Variants in DLG1 observed in about 807,000 individuals in gnomAD.
DLG1 encodes disks large homolog 1.
Under a neutral mutation model 123.4 loss-of-function variants are expected in DLG1, and 42 were observed. That is an observed-to-expected ratio of 0.34 (90% CI 0.27 to 0.44). The LOEUF is 0.44. Ranked by LOEUF, DLG1 falls within the 20% of genes least tolerant of loss-of-function variation. DLG1 has a pLI of 1.00. For missense variants in DLG1, 942 were observed against 1,082.6 expected, an observed-to-expected ratio of 0.87 and a Z score of 1.82; for synonymous variants, 317 against 356.2, an observed-to-expected ratio of 0.89 and a Z score of 1.24.
At chr3:197,230,778 A>G (rs1354135981) in intron 4 of DLG1, among the ~76,000 whole-genome samples, 2 of 152,230 alleles carry the variant, frequency 1.3e-5, no homozygotes, top group African/African-American at 4.8e-5. Context: ...CAGAGGACTT[A>G]GGTAAGATCA....
intron 4 of DLG1, among the ~76,000 whole-genome samples, chr3:197,258,827 T>C (rs1438229583): frequency 1.3e-5 from 2 of 152,222 alleles, no homozygotes; most frequent in African/African-American, 4.8e-5. Flanking sequence ...GAACAAATTA[T>C]TTTAATTTAG....
chr3:197,174,020 T>C (rs1805703541), intron 5 of DLG1, among the ~76,000 whole-genome samples: 1 of 152,076 alleles, frequency 6.6e-6, no homozygotes, highest in Non-Finnish European at 1.5e-5. Flanking sequence ...GAGGTGGAAA[T>C]TGCAGTGGGC....
At chr3:197,152,325 C>T (rs1794276516) in intron 5 of DLG1, among the ~76,000 whole-genome samples, 1 of 151,890 alleles carries the variant, frequency 6.6e-6, no homozygotes, top group African/African-American at 2.4e-5. Flanking sequence ...GAAATAATTT[C>T]ACGTAGACTC....
At chr3:197,078,033 C>G (rs1246088067) in intron 17 of DLG1, among the ~76,000 whole-genome samples, 1 of 151,470 alleles carries the variant, frequency 6.6e-6, no homozygotes, top group Non-Finnish European at 1.5e-5. Flanking sequence ...GTGAAGCAGC[C>G]AGGTGTGGTG....
At chr3:197,046,435 A>C (rs746671422) in intron 24 of DLG1, among the ~76,000 whole-genome samples, 2 of 152,236 alleles carry the variant, frequency 1.3e-5, no homozygotes, top group Non-Finnish European at 2.9e-5. Context: ...TAACGGCACA[A>C]GTAGACTTTG....
At chr3:197,194,745 T>TA (rs1323364986) in intron 4 of DLG1, among the ~76,000 whole-genome samples, 156 bp from the exon 5 acceptor site, 1 of 152,152 alleles carries the variant, frequency 6.6e-6, no homozygotes, top group East Asian at 1.9e-4. Flanking sequence ...GATTTTACTT[T>TA]AAAAATAATG....
rs534845379 is a variant in DLG1 at position 197,104,041 on chromosome 3, C to T, written c.1546+862G>A. Among the ~76,000 whole-genome samples, 4 of 152,230 alleles carry T rather than the reference C, an allele frequency of 2.6e-5. No homozygotes were observed. The South Asian group carries it at 8.3e-4, about 32-fold the overall frequency. On this transcript the variant is annotated intron_variant, in intron 14 of 24. Transcript: ENST00000667157. ...CAGGAACTTAGTAAAGTCACATCCA[C>T]CATACTTCACCATCTAGACACACAG...
intron 1 of DLG1, chr3:197,298,057 A>AC (rs1178156756): frequency 2.5e-6 from 1 of 407,840 alleles, no homozygotes; most frequent in African/African-American, 2.3e-5. Flanking sequence ...CGCACGCCCC[A>AC]CCCCCGGAAC....
intron 8 of DLG1, 39 bp from the exon 9 acceptor site, chr3:197,138,430 A>G (rs115934144): frequency 0.049 from 53,441 of 1,084,966 alleles, 1,514 homozygotes; most frequent in South Asian, 0.064. Flanking sequence ...AAAATTAAAT[A>G]TAATTTAAAT....
intron 18 of DLG1, among the ~76,000 whole-genome samples, chr3:197,072,840 G>A (rs1169107000): frequency 6.6e-6 from 1 of 152,102 alleles, no homozygotes; most frequent in African/African-American, 2.4e-5. Flanking sequence ...TGGATTACAG[G>A]TGTGCACCAC....
intron 13 of DLG1, among the ~76,000 whole-genome samples, chr3:197,114,905 G>C (rs990247681): frequency 2.0e-5 from 3 of 149,272 alleles, no homozygotes; most frequent in African/African-American, 7.4e-5. Context: ...GCATGAACCC[G>C]GGAGGCGGAG....
chr3:197,124,358 T>C (rs1420916261), intron 11 of DLG1, among the ~76,000 whole-genome samples: 2 of 152,062 alleles, frequency 1.3e-5, no homozygotes, highest in Non-Finnish European at 2.9e-5. Context: ...CACTGCAAAC[T>C]CCGCCTCCTG....
intron 5 of DLG1, among the ~76,000 whole-genome samples, chr3:197,158,502 C>T (rs1422176237): frequency 6.7e-6 from 1 of 150,160 alleles, no homozygotes. Flanking sequence ...GGCGTGGTGG[C>T]ACATGCCTGT....
At chr3:197,076,751 T>A in intron 17 of DLG1, 66 bp from the exon 18 acceptor site, 3 of 1,246,754 alleles carry the variant, frequency 2.4e-6, no homozygotes, top group Middle Eastern at 1.9e-4. Context: ...AGGCCCAGCC[T>A]AGCAGCTCTG....
intron 5 of DLG1, among the ~76,000 whole-genome samples, chr3:197,172,622 G>T (rs1577473728): frequency 6.6e-6 from 1 of 152,094 alleles, no homozygotes; most frequent in African/African-American, 2.4e-5. Flanking sequence ...GCAATAGATT[G>T]GGTAGGTACA....
intron 5 of DLG1, among the ~76,000 whole-genome samples, chr3:197,171,238 CT>C (rs1279845464): frequency 6.6e-6 from 1 of 152,138 alleles, no homozygotes; most frequent in African/African-American, 2.4e-5. Flanking sequence ...TATAAAAACT[CT>C]GCTTAGGAAT....
chr3:197,120,217 C>T (rs1775547600), intron 11 of DLG1, among the ~76,000 whole-genome samples: 1 of 148,998 alleles, frequency 6.7e-6, no homozygotes, highest in Admixed American at 6.7e-5. Context: ...GCCGAGATCG[C>T]ATCACTGCAC....
intron 4 of DLG1, among the ~76,000 whole-genome samples, chr3:197,217,839 G>A (rs1233363595): frequency 6.6e-6 from 1 of 152,118 alleles, no homozygotes; most frequent in Non-Finnish European, 1.5e-5. Flanking sequence ...TTCAAGTGAT[G>A]GATACATTTA....
chr3:197,153,283 T>C (rs1794838475), intron 5 of DLG1, among the ~76,000 whole-genome samples: 1 of 152,218 alleles, frequency 6.6e-6, no homozygotes, highest in Non-Finnish European at 1.5e-5. Flanking sequence ...CACAAATCTG[T>C]TTCTCCACCT....
Sources: allele counts gnomAD v4.1 joint callset (sites outside exome capture counted in the v4.1 genomes callset), GRCh38; gene constraint gnomAD v4.1.1; transcripts MANE v1.5; gene names NCBI Gene and HGNC (gene_info 2026-07-23, HGNC 2026-07-21).